Variants in PLEKHA4 observed in about 807,000 individuals in gnomAD.
PLEKHA4 encodes pleckstrin homology domain-containing family A member 4.
A neutral mutation model predicts 94.7 loss-of-function variants in PLEKHA4; 73 were observed. The observed-to-expected ratio is 0.77, with a 90% CI of 0.64 to 0.94. The LOEUF is 0.94. Among genes scored for constraint, PLEKHA4 ranks in the 40% least tolerant of loss-of-function variants. The pLI, the probability that PLEKHA4 is intolerant of heterozygous loss-of-function variation, is 0.00. For synonymous variants in PLEKHA4, 449 were observed against 437.1 expected (o/e 1.03, Z -0.34); for missense variants, 1,049 against 1,054.1 (o/e 1.00, Z 0.07).
intron 14 of PLEKHA4, 77 bp from the exon 15 acceptor site, chr19:48,845,693 C>T: frequency 8.5e-7 from 1 of 1,171,300 alleles, no homozygotes. Context: ...AGCATTTAGG[C>T]ATTGGAATAC....
chr19:48,850,220 G>C (rs2036128491), intron 13 of PLEKHA4, among the ~76,000 whole-genome samples: 1 of 147,272 alleles, frequency 6.8e-6, no homozygotes, highest in South Asian at 2.2e-4. Context: ...ATAAATAAGA[G>C]GGCGGCCAGG....
chr19:48,861,498 C>T lies in PLEKHA4; in HGVS notation c.269G>A (p.Ser90Asn). The T allele has an allele frequency of 6.2e-7, 1 of 1,614,076 alleles. No individual in the cohort carries two copies. Among genetic ancestry groups the T allele is most frequent in the Non-Finnish European group, 8.5e-7 (1 of 1,179,966 alleles). ...SGHCLFYYKD[S>N]REESVLGSVL... is the part of the protein sequence containing the mutation. ...GCTGCCTAGGACACTCTCCTCGCGG[C>T]TGTCTGCAAAGAGGGGCTGGGGTCA... The change falls in exon 5 of 20, where the codon AGC becomes AAC. Residue 90 changes from serine (S) to asparagine (N), a missense_variant. By Grantham distance (46) the Ser-to-Asn change is conservative (BLOSUM62 1). Coordinates refer to ENST00000263265, the MANE Select transcript of PLEKHA4 (RefSeq NM_020904.3).
intron 2 of PLEKHA4, among the ~76,000 whole-genome samples, chr19:48,866,139 T>G (rs1228849558): frequency 1.3e-5 from 2 of 151,006 alleles, no homozygotes; most frequent in African/African-American, 4.9e-5. Context: ...CTCTTTGGAG[T>G]GCAGTAGCCT....
At chr19:48,850,207 T>A (rs190415823) in intron 13 of PLEKHA4, among the ~76,000 whole-genome samples, 2 of 146,450 alleles carry the variant, frequency 1.4e-5, no homozygotes, top group Admixed American at 1.4e-4. Context: ...CTCCATCTCA[T>A]AAATAAATAA....
At position 48,860,477 on chromosome 19, in the gene PLEKHA4, T is replaced by C; in HGVS notation, c.367-18A>G. Reference sequence around the variant, plus strand: ...TGCTCTGCCTGCGGGAAGAGAAGGCTTGGAATCCGGACTCCCGGGCCTTGT... The same window carrying C: ...TGCTCTGCCTGCGGGAAGAGAAGGCCTGGAATCCGGACTCCCGGGCCTTGT... On this transcript the variant is annotated intron_variant, in intron 5 of 19. Transcript: ENST00000263265. 6.3e-7 allele frequency: 1 copy of C among 1,598,254 alleles called. No homozygotes were observed.
intron 13 of PLEKHA4, 57 bp from the exon 14 acceptor site, chr19:48,848,097 G>T (rs1181018075): frequency 1.9e-6 from 3 of 1,548,976 alleles, no homozygotes; most frequent in Non-Finnish European, 2.7e-6. Flanking sequence ...GAGGGTTTCA[G>T]CTAATAGGCC....
In PLEKHA4 at chr19:48,839,622, T is replaced by C. The variant is rs190879916; in HGVS notation, c.1906-359A>G. On this transcript the variant is annotated intron_variant, in intron 17 of 19. Transcript: ENST00000263265. ...TTTTAGTAGAGACAGAGTCTTGCTA[T>C]GTTGCCCAGGCTGGTCTCTTACTCC... Among the ~76,000 whole-genome samples, 131 of 152,062 alleles carry C rather than the reference T, an allele frequency of 8.6e-4. 2 individuals are homozygous for C. Among genetic ancestry groups the C allele is most frequent in the Admixed American group, 7.6e-3 (116 of 15,248 alleles).
chr19:48,849,843 G>A (rs2036111871), intron 13 of PLEKHA4, among the ~76,000 whole-genome samples: 1 of 152,208 alleles, frequency 6.6e-6, no homozygotes, highest in Non-Finnish European at 1.5e-5. Flanking sequence ...TTTTGCTGGT[G>A]AGAGCATGGC....
chr19:48,839,413 C>T, intron 17 of PLEKHA4, 150 bp from the exon 18 acceptor site: 1 of 475,560 alleles, frequency 2.1e-6, no homozygotes, highest in Middle Eastern at 5.7e-4. Context: ...TCTGTAGGCA[C>T]TGAATTTTTA....
intron 16 of PLEKHA4, chr19:48,844,666 C>G (rs2035897861): frequency 2.0e-6 from 2 of 984,686 alleles, no homozygotes; most frequent in African/African-American, 1.7e-5. Flanking sequence ...GAAAACCAGC[C>G]AATCAGCAAC....
At chr19:48,840,720 C>T (rs760226480) in intron 17 of PLEKHA4, among the ~76,000 whole-genome samples, 16 of 152,118 alleles carry the variant, frequency 1.1e-4, no homozygotes, top group African/African-American at 2.9e-4. Context: ...CCACCATGCC[C>T]GGCCGAAAAA....
At position 48,837,286 on chromosome 19, in the gene PLEKHA4, G is replaced by T; in HGVS notation, c.*3C>A. The T allele has an allele frequency of 1.2e-6, 2 of 1,613,862 alleles. No homozygotes were observed. Among genetic ancestry groups the T allele is most frequent in the Non-Finnish European group, 1.7e-6 (2 of 1,180,004 alleles). On this transcript the variant is annotated 3_prime_UTR_variant, in exon 20 of 20. Coordinates refer to ENST00000263265, the MANE Select transcript of PLEKHA4 (RefSeq NM_020904.3). The surrounding 1 kb of genome is among the most constrained non-coding windows in gnomAD (Gnocchi z 4.3). ...CTCCGATTGGCTGCCGCTTTTGGGC[G>T]GATTAGAAGCTGGATTGTAGCAGAG...
Position 48,857,462 on chromosome 19 carries a change from G to GA in PLEKHA4, c.1006_1007insT (p.Pro336LeufsTer170). ...GGCCCGGGTCCCAGGGGGCCGCGGGGGGAGCTGGAGATAAGTGGGGGAGCC... is the reference window on the plus strand; with the variant it reads ...GGCCCGGGTCCCAGGGGGCCGCGGGGAGGAGCTGGAGATAAGTGGGGGAGCC... On this transcript the variant is annotated frameshift_variant, in exon 9 of 20. Transcript: ENST00000263265. LOFTEE classifies it high-confidence loss of function. The GA allele has an allele frequency of 3.2e-6, 5 of 1,566,478 alleles. No individual in the cohort carries two copies. Among genetic ancestry groups the GA allele is most frequent in the Non-Finnish European group, 4.3e-6 (5 of 1,161,328 alleles).
intron 9 of PLEKHA4, among the ~76,000 whole-genome samples, chr19:48,854,695 C>A (rs951531483): frequency 6.8e-5 from 9 of 132,630 alleles, no homozygotes; most frequent in African/African-American, 2.1e-4. Context: ...TCATGCCTGG[C>A]CTTTTTTTTT....
rs2036296397 is a variant in PLEKHA4, at chr19:48,853,795, G to C, written c.1213C>G (p.Gln405Glu). 1.9e-6 allele frequency: 3 copies of C among 1,613,022 alleles called. No homozygotes were observed. Among genetic ancestry groups the C allele is most frequent in the Non-Finnish European group, 2.5e-6 (3 of 1,179,628 alleles). Residue 405 changes from glutamine (Q) to glutamate (E), a missense_variant, in exon 12 of 20, where the codon CAG becomes GAG. Coordinates refer to ENST00000263265, the MANE Select transcript of PLEKHA4 (RefSeq NM_020904.3). ...LEAALELTRQ[Q>E]LGQATREAGA... Reference sequence around the variant, plus strand: ...GCCTCCCTGGTGGCTTGGCCCAGCTGTTGCCGGGTCAACTCCAGAGCTGCT... The same window carrying C: ...GCCTCCCTGGTGGCTTGGCCCAGCTCTTGCCGGGTCAACTCCAGAGCTGCT...
chr19:48,841,488 G>A (rs1019205391), intron 16 of PLEKHA4, among the ~76,000 whole-genome samples, 178 bp from the exon 17 acceptor site: 4 of 152,024 alleles, frequency 2.6e-5, no homozygotes, highest in East Asian at 3.9e-4. Flanking sequence ...TTAGCTGGGC[G>A]TGGTGGCAGG....
At chr19:48,856,101 G>A (rs2036394611) in intron 9 of PLEKHA4, among the ~76,000 whole-genome samples, 1 of 151,372 alleles carries the variant, frequency 6.6e-6, no homozygotes. Flanking sequence ...GAACCCAGGA[G>A]GGGAGGTTGC....
intron 13 of PLEKHA4, among the ~76,000 whole-genome samples, chr19:48,848,434 C>T (rs1233537290): frequency 2.9e-5 from 4 of 138,060 alleles, no homozygotes; most frequent in Non-Finnish European, 6.2e-5. Flanking sequence ...TGCAGTGAGC[C>T]GAGATCCCGC....
Position 48,853,732 on chromosome 19 carries a change from A to C in PLEKHA4, c.1276T>G (p.Leu426Val). The C allele has an allele frequency of 1.2e-6, 2 of 1,610,290 alleles. No homozygotes were observed. Among genetic ancestry groups the C allele is most frequent in the South Asian group, 2.2e-5 (2 of 90,636 alleles). The change falls in exon 12 of 20, where the codon TTG becomes GTG. Residue 426 changes from leucine (L) to valine (V), a missense_variant. Transcript: ENST00000263265. Reference protein sequence around the residue: ...PGRAWGRQRLLQDRLVSVRAT... With the variant: ...PGRAWGRQRLVQDRLVSVRAT... The stretch of plus-strand genomic sequence containing the variant: ...CTCACACTGACCAGCCGGTCCTGCA[A>C]GAGGCGCTGGCGACCCCAGGCCCTC...
Sources: gnomAD v4.1 joint callset for allele counts (sites outside exome capture counted in the v4.1 genomes callset) on GRCh38, gnomAD v4.1.1 for gene constraint, Gnocchi (gnomAD v3.1) non-coding constraint, MANE v1.5 for transcripts, NCBI Gene and HGNC (gene_info 2026-07-23, HGNC 2026-07-21) for gene names.